The following LIN28B variants were observed in gnomAD, a reference collection of about 807,000 sequenced individuals.
The protein encoded by LIN28B is lin-28 RNA binding posttranscriptional regulator B, also known as protein lin-28 homolog B.
LIN28B carries 5 observed loss-of-function variants against 21.9 expected under a neutral mutation model. The ratio of observed to expected loss-of-function variants is 0.23; its 90% CI spans 0.12 to 0.48. The LOEUF is 0.48. Among genes scored for constraint, LIN28B ranks in the 20% least tolerant of loss-of-function variants. The pLI is 0.98. For synonymous variants in LIN28B, 109 were observed against 111.3 expected, an observed-to-expected ratio of 0.98 and a Z score of 0.13; for missense variants, 245 against 310.5, an observed-to-expected ratio of 0.79 and a Z score of 1.58.
At chr6:105,059,451 A>C (rs1035045899) in intron 3 of LIN28B, among the ~76,000 whole-genome samples, 1 of 152,186 alleles carries the variant, frequency 6.6e-6, no homozygotes, top group African/African-American at 2.4e-5. Flanking sequence ...CTGTGACTTC[A>C]ACCTTAGCAT....
At chr6:105,078,290 C>T in intron 3 of LIN28B, 124 bp from the exon 4 acceptor site, 1 of 878,490 alleles carries the variant, frequency 1.1e-6, no homozygotes, top group Non-Finnish European at 1.7e-6. Flanking sequence ...ATGATAAATG[C>T]TTTTAAGAAG....
chr6:104,968,040 A>C (rs1769899976), intron 2 of LIN28B, among the ~76,000 whole-genome samples: 1 of 152,204 alleles, frequency 6.6e-6, no homozygotes, highest in Non-Finnish European at 1.5e-5. Context: ...AAGATGGCTT[A>C]ATGTCATAGA....
intron 2 of LIN28B, among the ~76,000 whole-genome samples, chr6:104,937,520 C>T (rs1326708626): frequency 6.6e-6 from 1 of 152,160 alleles, no homozygotes; most frequent in Non-Finnish European, 1.5e-5. Flanking sequence ...CCGCCTCGGC[C>T]TCCCAAAGTG....
chr6:105,075,233 A>C (rs954081353), intron 3 of LIN28B, among the ~76,000 whole-genome samples: 1 of 152,226 alleles, frequency 6.6e-6, no homozygotes, highest in Non-Finnish European at 1.5e-5. Context: ...TTATGCTCAC[A>C]TCACAATGTA....
At chr6:104,956,980 A>G, upstream of LIN28B, 1 of 872,000 alleles carries the variant, frequency 1.1e-6, no homozygotes, top group Non-Finnish European at 1.6e-6. Context: ...TGAAATGGCG[A>G]TTGGTTATCT....
chr6:105,074,562 GTTAA>G (rs1772389855), intron 3 of LIN28B, among the ~76,000 whole-genome samples: 1 of 152,082 alleles, frequency 6.6e-6, no homozygotes, highest in Non-Finnish European at 1.5e-5. Flanking sequence ...TGATTTGATT[GTTAA>G]TTATCTTCTA....
At chr6:104,947,077 T>A (rs760838666) in intron 2 of LIN28B, among the ~76,000 whole-genome samples, 14 of 152,138 alleles carry the variant, frequency 9.2e-5, no homozygotes, top group Non-Finnish European at 1.9e-4. Flanking sequence ...GTAGTAGTAA[T>A]TTATTTTTAT....
rs116157055 is a variant in LIN28B, at chr6:104,992,043, T to C, written c.198+33757T>C. On this transcript the variant is annotated intron_variant, in intron 2 of 3. Transcript: ENST00000345080. ...GGGAGGGAGAATTTTAGTCTTTTAA[T>C]TGGAGTCTTTAATCTGTTCACATCT... Among the ~76,000 whole-genome samples, 616 of 151,560 alleles carry C rather than the reference T, an allele frequency of 4.1e-3. 2 individuals are homozygous for C. Among genetic ancestry groups the C allele is most frequent in the African/African-American group, 0.015 (605 of 41,378 alleles).
At chr6:105,001,311 A>G (rs1162009307) in intron 2 of LIN28B, among the ~76,000 whole-genome samples, 1 of 152,224 alleles carries the variant, frequency 6.6e-6, no homozygotes, top group Non-Finnish European at 1.5e-5. Flanking sequence ...TGGGATATAC[A>G]TAAATCACAC....
At chr6:104,952,663 A>G (rs1473129496), upstream of LIN28B, among the ~76,000 whole-genome samples, 1 of 152,208 alleles carries the variant, frequency 6.6e-6, no homozygotes, top group Non-Finnish European at 1.5e-5. Context: ...AGCATTTGCA[A>G]ATTTTGAAAT....
chr6:105,002,893 A>G (rs927801141), intron 2 of LIN28B, among the ~76,000 whole-genome samples: 3 of 152,194 alleles, frequency 2.0e-5, no homozygotes, highest in Admixed American at 6.5e-5. Flanking sequence ...AAATACTACA[A>G]AGTTGGGCTT....
rs1034372791 is a variant in LIN28B, at chr6:105,081,532, T to C, written c.*2749T>C. The C allele has an allele frequency of 6.6e-6, 1 of 152,532 alleles. No individual in the cohort carries two copies. Among genetic ancestry groups the C allele is most frequent in the African/African-American group, 2.4e-5 (1 of 41,434 alleles). The allele number at this position is 152,532 out of a possible 1,614,324, so 9.4% of individuals were successfully genotyped here. ...TGGTACAGAACCTTTTTATCTGTAT[T>C]ATAAATAGCAATTCACAACTGCATG... On this transcript the variant is annotated 3_prime_UTR_variant, in exon 4 of 4. Transcript: ENST00000345080.
At chr6:104,997,337 T>G (rs1433276771) in intron 2 of LIN28B, among the ~76,000 whole-genome samples, 1 of 151,654 alleles carries the variant, frequency 6.6e-6, no homozygotes, top group African/African-American at 2.4e-5. Context: ...TAAAATATTT[T>G]TACATGGTTA....
At chr6:105,071,412 T>C (rs1317574065) in intron 3 of LIN28B, among the ~76,000 whole-genome samples, 1 of 152,126 alleles carries the variant, frequency 6.6e-6, no homozygotes, top group Non-Finnish European at 1.5e-5. Context: ...GTGGCTTTAA[T>C]TTATTTTTCA....
intron 3 of LIN28B, among the ~76,000 whole-genome samples, chr6:105,075,280 A>G (rs1772403571): frequency 6.6e-6 from 1 of 152,224 alleles, no homozygotes; most frequent in Non-Finnish European, 1.5e-5. Context: ...CTGATGTGGA[A>G]CAGTGTGGAG....
At chr6:105,032,423 T>C (rs1771443395) in intron 3 of LIN28B, among the ~76,000 whole-genome samples, 1 of 152,212 alleles carries the variant, frequency 6.6e-6, no homozygotes, top group Non-Finnish European at 1.5e-5. Context: ...CATTTGGTAT[T>C]GCCAATTTTT....
chr6:104,986,956 A>T (rs1770359516), intron 2 of LIN28B, among the ~76,000 whole-genome samples: 1 of 152,170 alleles, frequency 6.6e-6, no homozygotes, highest in Non-Finnish European at 1.5e-5. Context: ...TTCTTTTTTT[A>T]AAAATCATCT....
chr6:104,995,487 C>A (rs548923028), intron 2 of LIN28B, among the ~76,000 whole-genome samples: 9 of 152,182 alleles, frequency 5.9e-5, no homozygotes, highest in Admixed American at 5.9e-4. Flanking sequence ...CTGTGACCAT[C>A]CAGTTGGATA....
chr6:104,952,994 G>GCACC (rs1778237481), upstream of LIN28B, among the ~76,000 whole-genome samples: 1 of 152,200 alleles, frequency 6.6e-6, no homozygotes, highest in Non-Finnish European at 1.5e-5. Context: ...CAAGACCCAA[G>GCACC]CACCCAGTCG....
Sources: allele counts gnomAD v4.1 joint callset (sites outside exome capture counted in the v4.1 genomes callset), GRCh38; gene constraint gnomAD v4.1.1; transcripts MANE v1.5; gene names NCBI Gene and HGNC (gene_info 2026-07-23, HGNC 2026-07-21).